Variants in ADAM9 observed in about 807,000 individuals in gnomAD.
ADAM9 encodes the protein disintegrin and metalloproteinase domain-containing protein 9.
A neutral mutation model predicts 108.1 loss-of-function variants in ADAM9; 54 were observed. The ratio of observed to expected loss-of-function variants is 0.50; its 90% confidence interval spans 0.40 to 0.63. ADAM9 has a LOEUF of 0.63. Among genes scored for constraint, ADAM9 ranks in the 20% least tolerant of loss-of-function variants. The pLI, the probability that ADAM9 is intolerant of heterozygous loss-of-function variation, is 0.00. For missense variants in ADAM9, 830 were observed against 997.7 expected (o/e 0.83, Z 2.26); for synonymous variants, 316 against 336.0 (o/e 0.94, Z 0.65).
chr8:39,057,860 G>A (rs184206465), intron 14 of ADAM9, among the ~76,000 whole-genome samples: 1 of 152,100 alleles, frequency 6.6e-6, no homozygotes, highest in Admixed American at 6.5e-5. Flanking sequence ...TAAATATCTG[G>A]GGATTCTGTG....
At chr8:39,015,396 T>C (rs1429369703) in intron 4 of ADAM9, 2 of 152,206 alleles carry the variant, frequency 1.3e-5, no homozygotes, top group Admixed American at 6.5e-5. Flanking sequence ...TAGAAACTTA[T>C]GTAACTATTA....
At chr8:39,064,138 C>A (rs1838384120) in intron 14 of ADAM9, among the ~76,000 whole-genome samples, 1 of 152,176 alleles carries the variant, frequency 6.6e-6, no homozygotes, top group Non-Finnish European at 1.5e-5. Context: ...TTACCCAGAT[C>A]CTTGCTTCTT....
intron 9 of ADAM9, among the ~76,000 whole-genome samples, chr8:39,024,424 T>TAG (rs1836855686): frequency 6.6e-6 from 1 of 152,184 alleles, no homozygotes; most frequent in African/African-American, 2.4e-5. Context: ...TCTGTCCTGT[T>TAG]AGAGACATTT....
intron 20 of ADAM9, 22 bp downstream of exon 20, chr8:39,091,368 A>G: frequency 6.3e-7 from 1 of 1,596,852 alleles, no homozygotes; most frequent in East Asian, 2.2e-5. Flanking sequence ...ATGAAAAATT[A>G]TTTTTCTTTA....
chr8:39,073,059 A>T lies in ADAM9; in HGVS notation c.1697+1656A>T, dbSNP rs1047814454. Reference sequence around the variant, plus strand: ...TTGGAACATTCATCCATACAGACTAATATGTGGGCCAGCCTCTTAATACCA... The same window carrying T: ...TTGGAACATTCATCCATACAGACTATTATGTGGGCCAGCCTCTTAATACCA... On this transcript the variant is annotated intron_variant, in intron 15 of 21. Coordinates refer to ENST00000487273, the MANE Select transcript of ADAM9 (RefSeq NM_003816.3). 2.0e-5 allele frequency among the ~76,000 whole-genome samples: 3 copies of T among 152,214 alleles called. No individual in the cohort carries two copies. In the East Asian group the frequency reaches 5.8e-4, roughly 29 times the overall value.
chr8:39,062,166 T>G (rs1222452419), intron 14 of ADAM9, among the ~76,000 whole-genome samples: 1 of 152,098 alleles, frequency 6.6e-6, no homozygotes, highest in Non-Finnish European at 1.5e-5. Flanking sequence ...ACACAAACAT[T>G]GAAGGGGTAC....
At chr8:39,045,505 T>TGC (rs1837728434) in intron 12 of ADAM9, among the ~76,000 whole-genome samples, 9 of 57,222 alleles carry the variant, frequency 1.6e-4, no homozygotes, top group Admixed American at 5.2e-4. Flanking sequence ...TATACATATG[T>TGC]GTGTGTACAT....
intron 11 of ADAM9, among the ~76,000 whole-genome samples, chr8:39,028,901 G>A (rs2129434712): frequency 6.6e-6 from 1 of 152,216 alleles, no homozygotes; most frequent in Non-Finnish European, 1.5e-5. Context: ...TGACAAAACT[G>A]GATGTTAATA....
rs1839715128 is a variant in ADAM9, at chr8:39,102,079, T to C, written c.2366+149T>C. The C allele has an allele frequency of 8.2e-6, 6 of 732,484 alleles. 1 individual carries two copies. The highest frequency in any genetic ancestry group is 5.4e-5 in the Admixed American group (2 of 37,266). 45.4% of individuals were successfully genotyped at this position (732,484 alleles called of 1,614,324 possible). ...TATGATTTGCAGAAAGGTTTTAAAA[T>C]AACTTTATATAAATTTTATCATATT... is the stretch of plus-strand genomic sequence containing the variant. On this transcript the variant is annotated intron_variant, in intron 21 of 21. Transcript: ENST00000487273.
intron 11 of ADAM9, among the ~76,000 whole-genome samples, chr8:39,032,221 G>A (rs761232857): frequency 2.6e-5 from 4 of 152,248 alleles, no homozygotes; most frequent in Non-Finnish European, 5.9e-5. Context: ...AGACAGGGAC[G>A]TTTAAATCTG....
chr8:39,034,481 C>T (rs924868685), intron 11 of ADAM9, among the ~76,000 whole-genome samples: 2 of 152,188 alleles, frequency 1.3e-5, no homozygotes, highest in African/African-American at 4.8e-5. Context: ...CTTTGGTCCT[C>T]TTGCATCTCT....
At chr8:39,027,500 CTG>C (rs1836959999) in intron 11 of ADAM9, among the ~76,000 whole-genome samples, 3 of 152,152 alleles carry the variant, frequency 2.0e-5, no homozygotes, top group Admixed American at 2.0e-4. Context: ...GATGAGGAAA[CTG>C]AGGTCACACA....
rs1354211046 is a variant in ADAM9, at chr8:39,045,406, ATGTG to A, written c.1302+3290_1302+3293del. ...TATAGGTGTGTGTACACACACCTAT[ATGTG>A]CGCGTGTGTACACACACCTATATGT... On this transcript the variant is annotated intron_variant, in intron 12 of 21. Transcript: ENST00000487273. Among the ~76,000 whole-genome samples the A allele has an allele frequency of 2.0e-4, 28 of 137,996 alleles. 2 individuals are homozygous for A. The highest frequency in any genetic ancestry group is 8.7e-4 in the African/African-American group (28 of 32,330). The allele number at this position is 137,996 out of a possible 152,430, so 90.5% of individuals were successfully genotyped here. A position where few individuals can be genotyped will look rare whatever the true frequency, so the allele number is the denominator to read the frequency against.
Position 39,103,782 on chromosome 8 carries a change from C to T in ADAM9, c.*82C>T, listed in dbSNP as rs776468073. 2.2e-6 allele frequency: 3 copies of T among 1,339,934 alleles called. No individual in the cohort carries two copies. Among genetic ancestry groups the T allele is most frequent in the Non-Finnish European group, 3.2e-6 (3 of 938,476 alleles). 83.0% of individuals were successfully genotyped at this position (1,339,934 alleles called of 1,614,324 possible). A position where few individuals can be genotyped will look rare whatever the true frequency, so the allele number is the denominator to read the frequency against. The stretch of plus-strand genomic sequence containing the variant: ...TTTTCTTGATGTTTTCTTGAAAAGC[C>T]TTTCTGTTGCAACTATGAATGAAAA... On this transcript the variant is annotated 3_prime_UTR_variant, in exon 22 of 22. Transcript: ENST00000487273.
chr8:39,022,103 A>T (rs1227378174), intron 8 of ADAM9, among the ~76,000 whole-genome samples: 5 of 150,456 alleles, frequency 3.3e-5, no homozygotes, highest in East Asian at 1.9e-4. Flanking sequence ...TGTGTGAGAG[A>T]GAGAGAGAGA....
At chr8:39,020,519 G>T (rs915565608) in intron 7 of ADAM9, among the ~76,000 whole-genome samples, 2 of 152,034 alleles carry the variant, frequency 1.3e-5, no homozygotes, top group Admixed American at 6.5e-5. Flanking sequence ...TGCTAAATTG[G>T]TTATATAAAT....
intron 14 of ADAM9, among the ~76,000 whole-genome samples, chr8:39,066,251 C>T (rs1033803422): frequency 4.6e-5 from 7 of 152,184 alleles, no homozygotes; most frequent in Non-Finnish European, 8.8e-5. Context: ...ATTTATAATC[C>T]TTTGGGTATA....
At chr8:39,051,382 C>T (rs1360125925) in intron 12 of ADAM9, among the ~76,000 whole-genome samples, 1 of 152,154 alleles carries the variant, frequency 6.6e-6, no homozygotes, top group African/African-American at 2.4e-5. Flanking sequence ...GTAGTAGCCT[C>T]TCAACTAGTT....
chr8:39,056,284 A>G (rs1838120797), intron 14 of ADAM9, among the ~76,000 whole-genome samples: 2 of 152,296 alleles, frequency 1.3e-5, no homozygotes, highest in African/African-American at 4.8e-5. Context: ...TGTGTAATGC[A>G]TAGTATGAAC....
Sources: gnomAD v4.1 joint callset for allele counts (sites outside exome capture counted in the v4.1 genomes callset) on GRCh38, gnomAD v4.1.1 for gene constraint, MANE v1.5 for transcripts, NCBI Gene and HGNC (gene_info 2026-07-23, HGNC 2026-07-21) for gene names.